Variants in FRMD4A observed in about 807,000 individuals in gnomAD.
The protein encoded by FRMD4A is FERM domain-containing protein 4A.
A neutral mutation model predicts 129.1 loss-of-function variants in FRMD4A; 29 were observed. The ratio of observed to expected loss-of-function variants is 0.22; its 90% CI spans 0.17 to 0.31. FRMD4A has a LOEUF of 0.31. FRMD4A is among the 10% of genes least tolerant of loss of function. The pLI, the probability that FRMD4A is intolerant of heterozygous loss-of-function variation, is 1.00. For missense variants in FRMD4A, 1,272 were observed against 1,375.8 expected (o/e 0.92, Z 1.19); for synonymous variants, 634 against 571.6 (o/e 1.11, Z -1.56).
chr10:13,779,134 C>T (rs11258602), intron 6 of FRMD4A, among the ~76,000 whole-genome samples: 113,141 of 151,842 alleles, frequency 0.75, 42,450 homozygotes, highest in East Asian at 0.95. Flanking sequence ...CTGACTAACA[C>T]GGTGAAACCC....
intron 8 of FRMD4A, among the ~76,000 whole-genome samples, chr10:13,748,443 T>C (rs2091408182): frequency 1.3e-5 from 2 of 152,220 alleles, no homozygotes; most frequent in African/African-American, 4.8e-5. Context: ...TGCATTTATA[T>C]ACTTACTGGT....
chr10:13,989,987 C>A (rs1414177176), intron 2 of FRMD4A, among the ~76,000 whole-genome samples: 4 of 152,220 alleles, frequency 2.6e-5, no homozygotes, highest in African/African-American at 9.6e-5. Flanking sequence ...TTCCAAGGGT[C>A]TCACTCTAGG....
intron 15 of FRMD4A, among the ~76,000 whole-genome samples, chr10:13,690,837 C>T (rs1340150889): frequency 2.0e-5 from 3 of 151,854 alleles, no homozygotes; most frequent in Admixed American, 6.6e-5. Context: ...ATTGGTATAC[C>T]GATGCTTATC....
intron 2 of FRMD4A, among the ~76,000 whole-genome samples, chr10:14,327,889 A>G (rs1000231322): frequency 6.6e-6 from 1 of 152,108 alleles, no homozygotes; most frequent in Non-Finnish European, 1.5e-5. Flanking sequence ...ATAAATAATA[A>G]TGTTTACAGC....
chr10:13,843,617 C>T (rs895597087), intron 3 of FRMD4A, among the ~76,000 whole-genome samples: 2 of 152,188 alleles, frequency 1.3e-5, no homozygotes, highest in African/African-American at 4.8e-5. Flanking sequence ...CCTGCCTCAG[C>T]CTCCTGAGTG....
chr10:13,666,553 G>A lies in FRMD4A; in HGVS notation c.1375-228C>T, dbSNP rs1014729228. 2.8e-4 allele frequency among the ~76,000 whole-genome samples: 42 copies of A among 152,146 alleles called. 1 individual carries two copies. Among genetic ancestry groups the A allele is most frequent in the Admixed American group, 2.6e-3 (39 of 15,268 alleles). ...TGTTGGTGTGAACGCTGCCGCCATCGCTGAGAACAGAGTTCCCACGATGCA... is the reference window on the plus strand; with the variant it reads ...TGTTGGTGTGAACGCTGCCGCCATCACTGAGAACAGAGTTCCCACGATGCA... On this transcript the variant is annotated intron_variant, in intron 17 of 24. Coordinates refer to ENST00000357447, the MANE Select transcript of FRMD4A (RefSeq NM_018027.5).
chr10:13,734,692 G>A (rs1343854630), intron 12 of FRMD4A, among the ~76,000 whole-genome samples: 2 of 151,962 alleles, frequency 1.3e-5, no homozygotes, highest in Admixed American at 6.6e-5. Context: ...AATCATCCCC[G>A]ACCCTCACAC....
chr10:14,075,925 A>T (rs988411622), intron 2 of FRMD4A, among the ~76,000 whole-genome samples: 47 of 152,114 alleles, frequency 3.1e-4, no homozygotes, highest in South Asian at 2.1e-4. Context: ...CTTTTTCCTA[A>T]TGTCTGCATG....
intron 2 of FRMD4A, among the ~76,000 whole-genome samples, chr10:14,168,583 C>A (rs1232112557): frequency 6.6e-6 from 1 of 152,162 alleles, no homozygotes; most frequent in African/African-American, 2.4e-5. Context: ...ATCTGCTATT[C>A]CCACTTGTAT....
intron 6 of FRMD4A, among the ~76,000 whole-genome samples, chr10:13,767,800 C>G (rs998808464): frequency 6.6e-6 from 1 of 152,130 alleles, no homozygotes; most frequent in Non-Finnish European, 1.5e-5. Context: ...GGTGAAGCCC[C>G]CCGTGCTCTT....
chr10:14,237,256 G>T (rs186643179), intron 2 of FRMD4A, among the ~76,000 whole-genome samples: 1 of 152,064 alleles, frequency 6.6e-6, no homozygotes, highest in Non-Finnish European at 1.5e-5. Context: ...ATGTGTGCTA[G>T]GTGCTGTTTC....
intron 2 of FRMD4A, among the ~76,000 whole-genome samples, chr10:13,862,606 C>T (rs2094309678): frequency 6.6e-6 from 1 of 152,214 alleles, no homozygotes; most frequent in Non-Finnish European, 1.5e-5. Context: ...TAATGCCTCC[C>T]TGTAGAAAGC....
intron 2 of FRMD4A, among the ~76,000 whole-genome samples, chr10:13,923,270 T>C (rs1000532017): frequency 6.6e-6 from 1 of 152,224 alleles, no homozygotes; most frequent in Non-Finnish European, 1.5e-5. Flanking sequence ...GAATCTACAG[T>C]GTATATGTAA....
chr10:14,055,943 T>TC (rs1339915418), intron 2 of FRMD4A, among the ~76,000 whole-genome samples: 2 of 149,998 alleles, frequency 1.3e-5, no homozygotes, highest in African/African-American at 4.9e-5. Flanking sequence ...ATTCTCTCTC[T>TC]TTTTTTTTTG....
intron 6 of FRMD4A, among the ~76,000 whole-genome samples, chr10:13,776,682 A>G (rs2092603181): frequency 6.6e-6 from 1 of 152,260 alleles, no homozygotes. Flanking sequence ...AAAAGCAGAA[A>G]TAAGCGGCTT....
At chr10:14,109,243 C>A (rs904831266) in intron 2 of FRMD4A, among the ~76,000 whole-genome samples, 3 of 149,332 alleles carry the variant, frequency 2.0e-5, no homozygotes, top group Admixed American at 6.6e-5. Flanking sequence ...AAAGAAGCTT[C>A]TCAGAAGAAG....
intron 2 of FRMD4A, among the ~76,000 whole-genome samples, chr10:14,070,143 C>T (rs1457379549): frequency 6.6e-6 from 1 of 152,172 alleles, no homozygotes; most frequent in Non-Finnish European, 1.5e-5. Context: ...CATATTGCCC[C>T]TGCATTCTCC....
intron 3 of FRMD4A, among the ~76,000 whole-genome samples, chr10:13,814,005 T>C (rs574185873): frequency 3.3e-5 from 5 of 152,312 alleles, no homozygotes; most frequent in Non-Finnish European, 5.9e-5. Flanking sequence ...TGATAATCTT[T>C]TGGGTTTGCC....
At chr10:14,097,296 G>A (rs2131766954) in intron 2 of FRMD4A, among the ~76,000 whole-genome samples, 1 of 152,068 alleles carries the variant, frequency 6.6e-6, no homozygotes, top group Non-Finnish European at 1.5e-5. Flanking sequence ...TCACAGTGAA[G>A]TTTTAAAAAA....
Sources: allele counts gnomAD v4.1 joint callset (sites outside exome capture counted in the v4.1 genomes callset), GRCh38; gene constraint gnomAD v4.1.1; transcripts MANE v1.5; gene names NCBI Gene and HGNC (gene_info 2026-07-23, HGNC 2026-07-21).